The following MYO16 variants were observed in gnomAD, a reference collection of about 807,000 sequenced individuals.
MYO16 encodes the protein myosin XVI.
MYO16 carries 94 observed loss-of-function variants against 205.3 expected under a neutral mutation model. That is an observed-to-expected ratio of 0.46 (90% CI 0.39 to 0.54). MYO16 has a LOEUF of 0.54. Ranked by LOEUF, MYO16 falls within the 20% of genes least tolerant of loss-of-function variation. The pLI, the probability that MYO16 is intolerant of heterozygous loss-of-function variation, is 0.00. For synonymous variants in MYO16, 988 were observed against 954.0 expected, an observed-to-expected ratio of 1.04 and a Z score of -0.66; for missense variants, 2,315 against 2,387.5, an observed-to-expected ratio of 0.97 and a Z score of 0.63.
At chr13:108,704,197 C>T (rs756606290) in intron 2 of MYO16, among the ~76,000 whole-genome samples, 4 of 152,126 alleles carry the variant, frequency 2.6e-5, no homozygotes, top group Non-Finnish European at 4.4e-5. Flanking sequence ...CAAACTACTA[C>T]ATTAACCAGA....
intron 1 of MYO16, among the ~76,000 whole-genome samples, chr13:108,598,138 T>C (rs1228049535): frequency 6.6e-6 from 1 of 152,208 alleles, no homozygotes; most frequent in Non-Finnish European, 1.5e-5. Context: ...TCAGCGTTAC[T>C]TTCATTTGTT....
At chr13:108,740,491 T>C (rs755693226) in intron 4 of MYO16, among the ~76,000 whole-genome samples, 6 of 152,154 alleles carry the variant, frequency 3.9e-5, no homozygotes, top group Admixed American at 2.0e-4. Flanking sequence ...ATCATTCCTC[T>C]GGAAGCTTCA....
chr13:108,604,481 C>T (rs1184075509), intron 1 of MYO16, among the ~76,000 whole-genome samples: 1 of 152,104 alleles, frequency 6.6e-6, no homozygotes, highest in Non-Finnish European at 1.5e-5. Flanking sequence ...GTGAATGGGG[C>T]CATTTATTGC....
At chr13:108,782,923 C>G (rs1886349138) in intron 4 of MYO16, among the ~76,000 whole-genome samples, 1 of 152,172 alleles carries the variant, frequency 6.6e-6, no homozygotes. Flanking sequence ...CCTGGATTCC[C>G]AAGCAAAAGT....
chr13:109,028,465 A>AT lies in MYO16; in HGVS notation c.2796+8554_2796+8555insT, dbSNP rs1050867569. The AT allele has an allele frequency of 8.9e-5, 22 of 246,176 alleles. No homozygotes were observed. In the Admixed American group the frequency reaches 9.8e-4, roughly 11 times the overall value. The allele number at this position is 246,176 out of a possible 1,614,324, so 15.2% of individuals were successfully genotyped here. On this transcript the variant is annotated intron_variant, in intron 23 of 34. Transcript: ENST00000457511. ...CCTTTGAAGGGAATTTTGTAAAAAAAATATATATTCTTTACCATTTAGTTT... is the reference window on the plus strand; with the variant it reads ...CCTTTGAAGGGAATTTTGTAAAAAAATATATATATTCTTTACCATTTAGTTT...
intron 7 of MYO16, among the ~76,000 whole-genome samples, chr13:108,819,261 A>T (rs1053375625): frequency 1.3e-5 from 2 of 152,202 alleles, no homozygotes; most frequent in African/African-American, 4.8e-5. Context: ...ATATTTGTAC[A>T]ATACTATTCC....
chr13:108,563,640 T>C, the MYO16 span, among the ~76,000 whole-genome samples: 1 of 152,226 alleles, frequency 6.6e-6, no homozygotes, highest in Admixed American at 6.5e-5. Flanking sequence ...TGATCTCCAC[T>C]TCCATCCATG....
the MYO16 span, among the ~76,000 whole-genome samples, chr13:108,507,337 G>T: frequency 6.6e-6 from 1 of 151,910 alleles, no homozygotes; most frequent in Admixed American, 6.6e-5. Context: ...TTAGCTTTCT[G>T]TTATAGAAAG....
chr13:108,793,645 G>A lies in MYO16; in HGVS notation c.741+5G>A, dbSNP rs1178509372. 7 of 1,611,358 alleles carry A rather than the reference G, an allele frequency of 4.3e-6. No individual in the cohort carries two copies. Among genetic ancestry groups the A allele is most frequent in the East Asian group, 4.5e-5 (2 of 44,824 alleles). ...AACGATGAAGGAGTAACCCTGGTAA[G>A]TTCATATATTTGACTCAGAAACTAT... On this transcript the variant is annotated splice_donor_5th_base_variant and intron_variant, in intron 6 of 34. Coordinates refer to ENST00000457511, the MANE Select transcript of MYO16 (RefSeq NM_001198950.3).
At chr13:108,588,869 T>C in the MYO16 span, among the ~76,000 whole-genome samples, 21 of 152,078 alleles carry the variant, frequency 1.4e-4, no homozygotes, top group Admixed American at 5.9e-4. Context: ...ATAAATATAC[T>C]TTCTTTTCAG....
Position 109,038,558 on chromosome 13 carries a change from G to A in MYO16, c.2797-8358G>A, listed in dbSNP as rs569858816. 4.3e-4 allele frequency among the ~76,000 whole-genome samples: 66 copies of A among 152,172 alleles called. No individual in the cohort carries two copies. The Middle Eastern group carries it at 0.02, about 47-fold the overall frequency. On this transcript the variant is annotated intron_variant, in intron 23 of 34. Transcript: ENST00000457511. ...CTGGGTCTCCAGCTTGCAGATGGCA[G>A]ATTGTGGGACTTCTCAGCCCCCATA... is the stretch of plus-strand genomic sequence containing the variant.
intron 23 of MYO16, among the ~76,000 whole-genome samples, chr13:109,036,241 G>A (rs1886714460): frequency 6.6e-6 from 1 of 152,110 alleles, no homozygotes; most frequent in African/African-American, 2.4e-5. Flanking sequence ...TTTCTGTGGC[G>A]TTCTCTTGCC....
At chr13:108,981,389 A>G (rs1159718032) in intron 20 of MYO16, among the ~76,000 whole-genome samples, 2 of 152,258 alleles carry the variant, frequency 1.3e-5, no homozygotes, top group Non-Finnish European at 2.9e-5. Flanking sequence ...TAGTCTGTGC[A>G]TCCATGCCAT....
At chr13:108,926,232 G>A (rs1881996396) in intron 16 of MYO16, among the ~76,000 whole-genome samples, 1 of 152,214 alleles carries the variant, frequency 6.6e-6, no homozygotes, top group Admixed American at 6.5e-5. Flanking sequence ...CCAAGAGGCT[G>A]CAGAGGCGAC....
chr13:108,872,714 A>C (rs1379525368), intron 12 of MYO16, among the ~76,000 whole-genome samples: 1 of 151,850 alleles, frequency 6.6e-6, no homozygotes, highest in Non-Finnish European at 1.5e-5. Context: ...GAATTTGCAT[A>C]TGTATATATA....
intron 23 of MYO16, among the ~76,000 whole-genome samples, chr13:109,041,879 G>A (rs977350980): frequency 4.2e-5 from 6 of 144,296 alleles, no homozygotes; most frequent in Non-Finnish European, 7.5e-5. Context: ...TTTTTTTTCC[G>A]AGACTAGAGT....
At chr13:109,169,711 A>G (rs1878851080) in intron 33 of MYO16, among the ~76,000 whole-genome samples, 1 of 152,264 alleles carries the variant, frequency 6.6e-6, no homozygotes. Context: ...GGAATTTGTA[A>G]TTGAATGCCT....
At chr13:108,751,757 A>C (rs930046976) in intron 4 of MYO16, among the ~76,000 whole-genome samples, 8 of 152,210 alleles carry the variant, frequency 5.3e-5, no homozygotes, top group African/African-American at 1.9e-4. Flanking sequence ...CCAAAATCAC[A>C]CAGGCACAGT....
chr13:108,670,988 T>C (rs1280782779), intron 2 of MYO16, among the ~76,000 whole-genome samples: 1 of 152,222 alleles, frequency 6.6e-6, no homozygotes, highest in Non-Finnish European at 1.5e-5. Context: ...AGTTTGTTTA[T>C]ATTATGAATA....
Sources: gnomAD v4.1 joint callset for allele counts (sites outside exome capture counted in the v4.1 genomes callset) on GRCh38, gnomAD v4.1.1 for gene constraint, MANE v1.5 for transcripts, NCBI Gene and HGNC (gene_info 2026-07-23, HGNC 2026-07-21) for gene names.